Variants in CCDC60 observed in about 807,000 individuals in gnomAD.
CCDC60 encodes coiled-coil domain containing 60.
Under a neutral mutation model 63.5 loss-of-function variants are expected in CCDC60, and 54 were observed. The observed-to-expected ratio is 0.85, with a 90% CI of 0.68 to 1.07. CCDC60 has a LOEUF of 1.07. Ranked by LOEUF, CCDC60 falls within the 50% of genes least tolerant of loss-of-function variation. The probability of loss-of-function intolerance (pLI) is 0.00; values close to 1 mark genes in which losing one functional copy is unlikely to be tolerated. For missense variants in CCDC60, 651 were observed against 684.3 expected, an observed-to-expected ratio of 0.95 and a Z score of 0.54; for synonymous variants, 206 against 238.8, an observed-to-expected ratio of 0.86 and a Z score of 1.27.
At chr12:119,345,632 C>T (rs539843089) in intron 1 of CCDC60, among the ~76,000 whole-genome samples, 1 of 152,170 alleles carries the variant, frequency 6.6e-6, no homozygotes, top group Non-Finnish European at 1.5e-5. Flanking sequence ...GACATAGAAA[C>T]GGAGCTGCCT....
intron 3 of CCDC60, among the ~76,000 whole-genome samples, chr12:119,475,748 T>C (rs1951163174): frequency 6.6e-6 from 1 of 152,150 alleles, no homozygotes; most frequent in Admixed American, 6.5e-5. Flanking sequence ...CATAAATAAA[T>C]GGTACCAAAC....
chr12:119,512,497 AT>A (rs1952239748), intron 7 of CCDC60, among the ~76,000 whole-genome samples: 1 of 152,210 alleles, frequency 6.6e-6, no homozygotes, highest in South Asian at 2.1e-4. Flanking sequence ...CAATGCTGTG[AT>A]GGGGGTCAGA....
intron 2 of CCDC60, among the ~76,000 whole-genome samples, chr12:119,446,464 G>A (rs75868045): frequency 0.032 from 4,887 of 152,302 alleles, 268 homozygotes; most frequent in African/African-American, 0.11. Context: ...AGAGTACAAT[G>A]TCAATGATGC....
At chr12:119,349,895 G>A (rs551956800) in intron 1 of CCDC60, among the ~76,000 whole-genome samples, 1 of 152,284 alleles carries the variant, frequency 6.6e-6, no homozygotes, top group Admixed American at 6.5e-5. Flanking sequence ...GCTCTTCTCT[G>A]GAGCCTGCAT....
chr12:119,356,606 T>TC (rs986602712), intron 1 of CCDC60, among the ~76,000 whole-genome samples: 1 of 152,228 alleles, frequency 6.6e-6, no homozygotes, highest in African/African-American at 2.4e-5. Context: ...TGGTGAACTT[T>TC]CCCCAAAGTT....
rs1951073265 is a variant in CCDC60, at chr12:119,472,073, C to T, written c.250C>T (p.Gln84Ter). 6.2e-7 allele frequency: 1 copy of T among 1,613,914 alleles called. No individual in the cohort carries two copies. Among genetic ancestry groups the T allele is most frequent in the Non-Finnish European group, 8.5e-7 (1 of 1,179,970 alleles). Residue 84 changes from glutamine to a stop codon, truncating the protein, a stop_gained, in exon 3 of 14, where the codon CAA becomes TAA. Transcript: ENST00000327554. LOFTEE classifies it high-confidence loss of function. ...REETAKKKKQ[Q>*]QLQKLKEEER... ...AGAGACTGCAAAGAAAAAGAAGCAA[C>T]AACAACTTCAGAAACTGAAAGAGGA...
chr12:119,509,940 C>T (rs970522196), intron 7 of CCDC60, among the ~76,000 whole-genome samples: 5 of 152,104 alleles, frequency 3.3e-5, no homozygotes, highest in African/African-American at 9.7e-5. Flanking sequence ...AAAAAATAAA[C>T]GATGGACCAA....
chr12:119,341,533 T>A (rs1955532680), intron 1 of CCDC60, among the ~76,000 whole-genome samples: 1 of 152,194 alleles, frequency 6.6e-6, no homozygotes, highest in South Asian at 2.1e-4. Flanking sequence ...ATGGCATAGA[T>A]GTTTTGGAAG....
intron 1 of CCDC60, among the ~76,000 whole-genome samples, chr12:119,356,114 A>G (rs191665708): frequency 2.5e-4 from 38 of 152,348 alleles, no homozygotes; most frequent in African/African-American, 7.5e-4. Context: ...TTGTACAGCT[A>G]CTTGCTCTAA....
At chr12:119,441,760 C>A (rs1950450041) in intron 2 of CCDC60, among the ~76,000 whole-genome samples, 1 of 152,154 alleles carries the variant, frequency 6.6e-6, no homozygotes, top group Non-Finnish European at 1.5e-5. Context: ...GTATTTATTG[C>A]GTGAGGATAG....
chr12:119,373,872 G>C (rs1040943395), intron 1 of CCDC60, among the ~76,000 whole-genome samples: 8 of 152,166 alleles, frequency 5.3e-5, no homozygotes, highest in Non-Finnish European at 1.0e-4. Context: ...ATCTAGACAG[G>C]CTTTAAGTAC....
Position 119,540,654 on chromosome 12 carries a change from A to G in CCDC60, c.1592A>G (p.Tyr531Cys). 6.2e-7 allele frequency: 1 copy of G among 1,614,058 alleles called. No homozygotes were observed. The highest frequency in any genetic ancestry group is 8.5e-7 in the Non-Finnish European group (1 of 1,179,986). Reference protein sequence around the residue: ...EHIIHMPQEDYISWLQSRINI... With the variant: ...EHIIHMPQEDCISWLQSRINI... Reference sequence around the variant, plus strand: ...ATCATCCATATGCCTCAAGAGGATTACATCAGCTGGCTGCAGAGCCGGATC... The same window carrying G: ...ATCATCCATATGCCTCAAGAGGATTGCATCAGCTGGCTGCAGAGCCGGATC... The change falls in exon 14 of 14, where the codon TAC becomes TGC. Residue 531 changes from tyrosine (Y) to cysteine (C), a missense_variant. Coordinates refer to ENST00000327554, the MANE Select transcript of CCDC60 (RefSeq NM_178499.5).
chr12:119,455,179 G>A (rs1398125957), intron 2 of CCDC60, among the ~76,000 whole-genome samples: 2 of 152,146 alleles, frequency 1.3e-5, no homozygotes, highest in Non-Finnish European at 2.9e-5. Context: ...TGATGCCCAC[G>A]ATAATGTGGT....
intron 1 of CCDC60, among the ~76,000 whole-genome samples, chr12:119,404,140 G>T (rs1956442666): frequency 6.6e-6 from 1 of 152,082 alleles, no homozygotes; most frequent in Admixed American, 6.6e-5. Context: ...ATACAAAAAA[G>T]TTAGCTGGGC....
chr12:119,475,682 A>T (rs1951161550), intron 3 of CCDC60, among the ~76,000 whole-genome samples: 1 of 152,044 alleles, frequency 6.6e-6, no homozygotes, highest in African/African-American at 2.4e-5. Flanking sequence ...CCCCCATACA[A>T]CTGTTTCACT....
chr12:119,402,073 C>T (rs571118721), intron 1 of CCDC60, among the ~76,000 whole-genome samples: 125 of 152,292 alleles, frequency 8.2e-4, no homozygotes, highest in Non-Finnish European at 1.6e-3. Context: ...CTTCCTCAGA[C>T]TCATGAAAAA....
At chr12:119,374,725 C>G (rs1383934405) in intron 1 of CCDC60, among the ~76,000 whole-genome samples, 3 of 152,136 alleles carry the variant, frequency 2.0e-5, no homozygotes, top group Non-Finnish European at 2.9e-5. Flanking sequence ...ATAGTTAGTT[C>G]TTGATTATAT....
chr12:119,393,028 G>T (rs1481996584), intron 1 of CCDC60, among the ~76,000 whole-genome samples: 1 of 152,152 alleles, frequency 6.6e-6, no homozygotes, highest in African/African-American at 2.4e-5. Flanking sequence ...GACAGTCATG[G>T]TGGCACACGC....
At chr12:119,403,106 G>A (rs899526418) in intron 1 of CCDC60, among the ~76,000 whole-genome samples, 8 of 152,094 alleles carry the variant, frequency 5.3e-5, no homozygotes, top group Admixed American at 1.3e-4. Context: ...CAAGATAGTC[G>A]CCAAGAGCTC....
Sources: allele counts gnomAD v4.1 joint callset (sites outside exome capture counted in the v4.1 genomes callset), GRCh38; gene constraint gnomAD v4.1.1; transcripts MANE v1.5; gene names NCBI Gene and HGNC (gene_info 2026-07-23, HGNC 2026-07-21).